The following AGMO variants were observed in gnomAD, a reference collection of about 807,000 sequenced individuals.
The protein encoded by AGMO is glyceryl-ether monooxygenase.
A neutral mutation model predicts 60.2 loss-of-function variants in AGMO; 75 were observed. The observed-to-expected ratio is 1.25, with a 90% CI of 1.03 to 1.51. AGMO has a LOEUF of 1.51. AGMO is among the 40% of genes most tolerant of loss of function. The pLI is 0.00. For synonymous variants in AGMO, 261 were observed against 177.1 expected (o/e 1.47, Z -3.76); for missense variants, 763 against 525.5 (o/e 1.45, Z -4.42).
At chr7:15,288,598 G>C (rs914702223) in intron 12 of AGMO, among the ~76,000 whole-genome samples, 3 of 151,938 alleles carry the variant, frequency 2.0e-5, no homozygotes, top group African/African-American at 7.2e-5. Context: ...AGACATGAAA[G>C]GAGAAAGAAT....
chr7:15,162,483 A>T, the AGMO span, among the ~76,000 whole-genome samples: 1 of 152,108 alleles, frequency 6.6e-6, no homozygotes, highest in Admixed American at 6.6e-5. Context: ...GCTTGAGCTC[A>T]GGAGTTCGAG....
chr7:15,346,072 A>G (rs1447806724), intron 12 of AGMO, among the ~76,000 whole-genome samples: 2 of 152,170 alleles, frequency 1.3e-5, no homozygotes, highest in Non-Finnish European at 2.9e-5. Context: ...TGTTAGTATC[A>G]AGAAAATGCT....
intron 1 of AGMO, 39 bp downstream of exon 1, chr7:15,561,674 AAGAAAGC>A (rs778398878): frequency 1.3e-6 from 2 of 1,519,904 alleles, no homozygotes; most frequent in Admixed American, 4.0e-5. Flanking sequence ...ACCATTTATT[AAGAAAGC>A]AGCAAGAATA....
intron 10 of AGMO, among the ~76,000 whole-genome samples, chr7:15,376,614 A>T (rs1783464160): frequency 2.0e-5 from 3 of 152,234 alleles, no homozygotes; most frequent in South Asian, 2.1e-4. Context: ...ATCCTATTAT[A>T]AGACCTTATT....
At chr7:15,302,757 A>G (rs1382419693) in intron 12 of AGMO, among the ~76,000 whole-genome samples, 1 of 152,124 alleles carries the variant, frequency 6.6e-6, no homozygotes, top group Non-Finnish European at 1.5e-5. Flanking sequence ...TACCTCCATC[A>G]TATGGTACGG....
intron 12 of AGMO, among the ~76,000 whole-genome samples, chr7:15,248,185 T>TATATATAC (rs1554401219): frequency 4.7e-5 from 2 of 42,792 alleles, no homozygotes; most frequent in Non-Finnish European, 8.8e-5. Flanking sequence ...GCACCATATA[T>TATATATAC]ATATATATAT....
At chr7:15,429,482 T>G (rs1435257615) in intron 4 of AGMO, among the ~76,000 whole-genome samples, 3 of 152,032 alleles carry the variant, frequency 2.0e-5, no homozygotes, top group Admixed American at 6.6e-5. Context: ...CCTTTCCTAG[T>G]GTCTTTATAG....
the AGMO span, among the ~76,000 whole-genome samples, chr7:15,127,406 T>G: frequency 1.3e-5 from 2 of 152,140 alleles, no homozygotes; most frequent in African/African-American, 4.8e-5. Context: ...ACCTTAGAAC[T>G]TAACGAGTAA....
the AGMO span, among the ~76,000 whole-genome samples, chr7:15,164,499 T>C: frequency 6.6e-6 from 1 of 151,824 alleles, no homozygotes; most frequent in Non-Finnish European, 1.5e-5. Flanking sequence ...TGCCTTCATA[T>C]TCAGAATCTA....
At chr7:15,193,894 CAAAT>C in the AGMO span, among the ~76,000 whole-genome samples, 8 of 152,016 alleles carry the variant, frequency 5.3e-5, no homozygotes, top group Non-Finnish European at 7.4e-5. Context: ...AATTGTACAA[CAAAT>C]AAATTTCTAG....
At chr7:15,390,007 C>G (rs1418662704) in intron 8 of AGMO, among the ~76,000 whole-genome samples, 2 of 152,154 alleles carry the variant, frequency 1.3e-5, no homozygotes, top group Non-Finnish European at 2.9e-5. Flanking sequence ...TGACCCACCT[C>G]TTCAGCTTTT....
chr7:15,185,357 A>G, the AGMO span, among the ~76,000 whole-genome samples: 2 of 152,186 alleles, frequency 1.3e-5, no homozygotes, highest in African/African-American at 4.8e-5. Context: ...TTTTGACAGT[A>G]AAGTACATTA....
intron 3 of AGMO, among the ~76,000 whole-genome samples, chr7:15,494,414 T>A (rs558005487): frequency 6.6e-6 from 1 of 152,334 alleles, no homozygotes; most frequent in South Asian, 2.1e-4. Flanking sequence ...ACTCTAAATA[T>A]GTTTAATGAC....
chr7:15,340,160 A>G (rs1474668398), intron 12 of AGMO, among the ~76,000 whole-genome samples: 2 of 152,234 alleles, frequency 1.3e-5, no homozygotes, highest in African/African-American at 4.8e-5. Context: ...TTTATGCTAT[A>G]TACACGTTAT....
At chr7:15,238,556 T>C (rs990503262) in intron 12 of AGMO, among the ~76,000 whole-genome samples, 4 of 151,640 alleles carry the variant, frequency 2.6e-5, no homozygotes, top group African/African-American at 4.8e-5. Flanking sequence ...AATATTAATA[T>C]AGCAATTAAA....
intron 12 of AGMO, among the ~76,000 whole-genome samples, chr7:15,279,388 G>T (rs1262366112): frequency 6.6e-6 from 1 of 152,098 alleles, no homozygotes; most frequent in African/African-American, 2.4e-5. Flanking sequence ...ACATTTACTT[G>T]CTATTTTGAT....
intron 3 of AGMO, among the ~76,000 whole-genome samples, chr7:15,474,975 A>G (rs184307554): frequency 4.8e-4 from 73 of 152,308 alleles, no homozygotes; most frequent in Non-Finnish European, 1.3e-4. Flanking sequence ...AAAAATGCAA[A>G]TCAAAACCAC....
chr7:15,183,855 G>T, the AGMO span, among the ~76,000 whole-genome samples: 123 of 151,916 alleles, frequency 8.1e-4, no homozygotes, highest in African/African-American at 2.8e-3. Context: ...TGTCACAAGG[G>T]GCTAAACAAA....
At chr7:15,521,306 C>T (rs905112589) in intron 3 of AGMO, among the ~76,000 whole-genome samples, 22 of 152,062 alleles carry the variant, frequency 1.4e-4, no homozygotes, top group Non-Finnish European at 1.8e-4. Flanking sequence ...AAAACTATTC[C>T]GAGCAACAGA....
Sources: allele counts gnomAD v4.1 joint callset (sites outside exome capture counted in the v4.1 genomes callset), GRCh38; gene constraint gnomAD v4.1.1; transcripts MANE v1.5; gene names NCBI Gene and HGNC (gene_info 2026-07-23, HGNC 2026-07-21).